Variants in DCLK1 observed in about 807,000 individuals in gnomAD.
DCLK1 encodes doublecortin like kinase 1, also known as serine/threonine-protein kinase DCLK1.
Under a neutral mutation model 86.2 loss-of-function variants are expected in DCLK1, and 16 were observed. That is an observed-to-expected ratio of 0.19 (90% CI 0.13 to 0.28). DCLK1 has a LOEUF of 0.28. Among genes scored for constraint, DCLK1 ranks in the 10% least tolerant of loss-of-function variants. The pLI is 1.00. For missense variants in DCLK1, 590 were observed against 940.2 expected (o/e 0.63, Z 4.87); for synonymous variants, 369 against 370.5 (o/e 1.00, Z 0.05).
intron 3 of DCLK1, among the ~76,000 whole-genome samples, chr13:35,994,761 T>G (rs1340877199): frequency 6.6e-6 from 1 of 152,224 alleles, no homozygotes; most frequent in Non-Finnish European, 1.5e-5. Flanking sequence ...GCATGGAACA[T>G]GAACTTCTGA....
At chr13:36,095,870 G>T (rs1254254697) in intron 3 of DCLK1, among the ~76,000 whole-genome samples, 1 of 152,024 alleles carries the variant, frequency 6.6e-6, no homozygotes, top group African/African-American at 2.4e-5. Flanking sequence ...TAAATTCCTG[G>T]AATTAAAAGA....
intron 3 of DCLK1, among the ~76,000 whole-genome samples, chr13:35,952,487 A>G (rs1877752443): frequency 6.6e-6 from 1 of 152,210 alleles, no homozygotes; most frequent in Non-Finnish European, 1.5e-5. Context: ...AAGCATATTC[A>G]CCTGATATAA....
chr13:36,035,478 G>A (rs527536347), intron 3 of DCLK1, among the ~76,000 whole-genome samples: 5 of 152,214 alleles, frequency 3.3e-5, no homozygotes, highest in African/African-American at 1.2e-4. Flanking sequence ...GTATTGGGGG[G>A]AAAGGGTCCA....
At chr13:35,918,851 T>A (rs1875594264) in intron 4 of DCLK1, among the ~76,000 whole-genome samples, 1 of 141,938 alleles carries the variant, frequency 7.0e-6, no homozygotes, top group African/African-American at 2.5e-5. Flanking sequence ...AATTGTCTTA[T>A]AATTTGTTAA....
intron 12 of DCLK1, among the ~76,000 whole-genome samples, chr13:35,810,454 A>G (rs555113455): frequency 7.5e-4 from 115 of 152,346 alleles, no homozygotes; most frequent in Middle Eastern, 3.4e-3. Context: ...AGGGCAGCAG[A>G]GAGAAATAAC....
intron 6 of DCLK1, among the ~76,000 whole-genome samples, chr13:35,851,072 A>G (rs1246476258): frequency 6.6e-6 from 1 of 152,252 alleles, no homozygotes; most frequent in East Asian, 1.9e-4. Flanking sequence ...CAACTCCACT[A>G]CTATGTGACT....
intron 3 of DCLK1, among the ~76,000 whole-genome samples, chr13:36,036,090 G>A (rs1034547636): frequency 2.0e-5 from 3 of 152,052 alleles, no homozygotes; most frequent in Non-Finnish European, 4.4e-5. Flanking sequence ...GCACCTCCCC[G>A]TAAGACATGC....
intron 3 of DCLK1, among the ~76,000 whole-genome samples, chr13:36,028,908 C>A (rs1882155858): frequency 6.6e-6 from 1 of 152,150 alleles, no homozygotes; most frequent in Non-Finnish European, 1.5e-5. Flanking sequence ...CCTGTATGAT[C>A]TAAAAAGGAG....
chr13:35,821,273 T>C (rs1396366655), intron 11 of DCLK1, among the ~76,000 whole-genome samples: 2 of 152,210 alleles, frequency 1.3e-5, no homozygotes. Flanking sequence ...AGTACATAGA[T>C]GGTTCTCCAT....
intron 12 of DCLK1, among the ~76,000 whole-genome samples, chr13:35,810,230 A>G (rs1043639987): frequency 3.3e-5 from 5 of 152,192 alleles, no homozygotes; most frequent in African/African-American, 1.2e-4. Context: ...CAAACCATCG[A>G]CTGGAAGAGT....
At chr13:36,085,687 CAAAA>C (rs1199180986) in intron 3 of DCLK1, among the ~76,000 whole-genome samples, 2 of 152,128 alleles carry the variant, frequency 1.3e-5, no homozygotes, top group African/African-American at 2.4e-5. Flanking sequence ...TGTTATCAAG[CAAAA>C]TTATAGTTGG....
intron 16 of DCLK1, among the ~76,000 whole-genome samples, chr13:35,779,568 GAAT>G (rs2086486502): frequency 6.6e-6 from 1 of 151,782 alleles, no homozygotes; most frequent in Non-Finnish European, 1.5e-5. Context: ...TATACTTTCT[GAAT>G]AATAACAATA....
intron 3 of DCLK1, among the ~76,000 whole-genome samples, chr13:35,973,600 C>A (rs986567350): frequency 6.6e-6 from 1 of 151,956 alleles, no homozygotes; most frequent in Non-Finnish European, 1.5e-5. Context: ...CCAGTGCTGG[C>A]AAAAAGAAGG....
intron 3 of DCLK1, among the ~76,000 whole-genome samples, chr13:36,071,022 A>C (rs1883955922): frequency 6.6e-6 from 1 of 152,176 alleles, no homozygotes; most frequent in Admixed American, 6.5e-5. Context: ...CCTCCAAGCT[A>C]GGTCACTTGG....
At chr13:35,817,626 A>ATTC (rs2087300904) in intron 11 of DCLK1, among the ~76,000 whole-genome samples, 1 of 152,156 alleles carries the variant, frequency 6.6e-6, no homozygotes, top group Non-Finnish European at 1.5e-5. Context: ...ATTTGATGAG[A>ATTC]ATCACCATGC....
chr13:35,830,460 G>A (rs531644702), intron 8 of DCLK1, among the ~76,000 whole-genome samples: 1 of 152,238 alleles, frequency 6.6e-6, no homozygotes, highest in Admixed American at 6.5e-5. Flanking sequence ...CATTGTAGAA[G>A]CTCTATATCC....
At chr13:35,782,593 C>T (rs1180840074) in intron 16 of DCLK1, among the ~76,000 whole-genome samples, 3 of 152,028 alleles carry the variant, frequency 2.0e-5, no homozygotes, top group African/African-American at 4.8e-5. Context: ...ATTTGATTGC[C>T]CAAACTTTGA....
intron 12 of DCLK1, 126 bp downstream of exon 12, chr13:35,810,709 A>G (rs1015441794): frequency 9.9e-6 from 12 of 1,212,152 alleles, no homozygotes; most frequent in Non-Finnish European, 1.3e-5. Flanking sequence ...TACAATTTTA[A>G]AAAGAGTGGA....
At chr13:36,055,936 T>C in intron 3 of DCLK1, among the ~76,000 whole-genome samples, 1 of 152,238 alleles carries the variant, frequency 6.6e-6, no homozygotes, top group Non-Finnish European at 1.5e-5. Context: ...TGATATCTCA[T>C]AGTGGTTTTG....
Sources: allele counts gnomAD v4.1 joint callset (sites outside exome capture counted in the v4.1 genomes callset), GRCh38; gene constraint gnomAD v4.1.1; transcripts MANE v1.5; gene names NCBI Gene and HGNC (gene_info 2026-07-23, HGNC 2026-07-21).